FLNB: variants seen among roughly 807,000 people sequenced by gnomAD.
FLNB encodes the protein filamin-B.
FLNB carries 111 observed loss-of-function variants against 250.6 expected under a neutral mutation model. That is an observed-to-expected ratio of 0.44 (90% CI 0.38 to 0.52). The LOEUF is 0.52. Among genes scored for constraint, FLNB ranks in the 20% least tolerant of loss-of-function variants. The probability of loss-of-function intolerance (pLI) is 0.00; values close to 1 mark genes in which losing one functional copy is unlikely to be tolerated. For missense variants in FLNB, 2,869 were observed against 3,447.8 expected, an observed-to-expected ratio of 0.83 and a Z score of 4.20; for synonymous variants, 1,302 against 1,372.1, an observed-to-expected ratio of 0.95 and a Z score of 1.13.
At chr3:58,010,986 C>T (rs540472263) in intron 1 of FLNB, among the ~76,000 whole-genome samples, 2 of 152,324 alleles carry the variant, frequency 1.3e-5, no homozygotes, top group South Asian at 4.1e-4. Context: ...GCCATCTCTG[C>T]TCACTGCAAC....
At chr3:58,066,151 G>C (rs565683152) in intron 1 of FLNB, among the ~76,000 whole-genome samples, 10 of 151,944 alleles carry the variant, frequency 6.6e-5, no homozygotes, top group Non-Finnish European at 1.3e-4. Flanking sequence ...GAACGCAATT[G>C]CTTTGACCAT....
At chr3:58,022,801 G>A (rs2097115891) in intron 1 of FLNB, among the ~76,000 whole-genome samples, 1 of 151,906 alleles carries the variant, frequency 6.6e-6, no homozygotes, top group South Asian at 2.1e-4. Context: ...CATCAGCTCA[G>A]CAAGTCTTTG....
chr3:58,008,652 C>G lies in FLNB; in HGVS notation c.88C>G (p.Leu30Val), dbSNP rs776287368. Reference sequence around the variant, plus strand: ...GTTCACACGCTGGTGCAACGAGCACCTCAAGTGCGTGAACAAACGCATCGG... The same window carrying G: ...GTTCACACGCTGGTGCAACGAGCACGTCAAGTGCGTGAACAAACGCATCGG... ...NTFTRWCNEH[L>V]KCVNKRIGNL... The change falls in exon 1 of 46, where the codon CTC becomes GTC. Residue 30 changes from leucine to valine, a missense_variant. This residue lies in a region of FLNB where 308 missense variants were observed against 466.1 expected (regional missense o/e 0.66). Coordinates refer to ENST00000295956, the MANE Select transcript of FLNB (RefSeq NM_001457.4). 6.2e-7 allele frequency: 1 copy of G among 1,614,170 alleles called. No individual in the cohort carries two copies.
chr3:58,122,501 A>G (rs974927941), intron 20 of FLNB, among the ~76,000 whole-genome samples: 1 of 152,058 alleles, frequency 6.6e-6, no homozygotes, highest in Non-Finnish European at 1.5e-5. Flanking sequence ...CCCTCCAAAA[A>G]AAAAAAAAAA....
chr3:58,059,330 G>C (rs2097174763), intron 1 of FLNB, among the ~76,000 whole-genome samples: 1 of 152,204 alleles, frequency 6.6e-6, no homozygotes, highest in Non-Finnish European at 1.5e-5. Context: ...AAGAAAACAT[G>C]AGTGAAGGAA....
At chr3:58,128,714 T>C (rs950372614) in intron 24 of FLNB, among the ~76,000 whole-genome samples, 29 of 152,150 alleles carry the variant, frequency 1.9e-4, no homozygotes, top group African/African-American at 6.8e-4. Context: ...ACTTTTTGAC[T>C]ATGGGGAAAG....
intron 33 of FLNB, 164 bp from the exon 34 acceptor site, chr3:58,146,656 G>C: frequency 1.4e-6 from 1 of 707,732 alleles, no homozygotes; most frequent in Non-Finnish European, 2.5e-6. Flanking sequence ...TTACTGCGTG[G>C]ACTGCTTCAT....
chr3:58,019,249 A>G lies in FLNB; in HGVS notation c.292+10393A>G, dbSNP rs1368230181. On this transcript the variant is annotated intron_variant, in intron 1 of 45. Coordinates refer to ENST00000295956, the MANE Select transcript of FLNB (RefSeq NM_001457.4). ...AACGATGGATGGCCAACCACTAATC[A>G]ATGCTATTTCTGTACGCCAATGAGA... Among the ~76,000 whole-genome samples, 5 of 152,292 alleles carry G rather than the reference A, an allele frequency of 3.3e-5. No homozygotes were observed. In the East Asian group the frequency reaches 5.8e-4, roughly 18 times the overall value.
chr3:58,170,540 G>T (rs2097380719), intron 45 of FLNB, 35 bp from the exon 46 acceptor site: 1 of 1,604,810 alleles, frequency 6.2e-7, no homozygotes, highest in Admixed American at 1.7e-5. Context: ...CTGTCCTGAT[G>T]CATCCGGGTG....
chr3:58,154,282 C>T (rs1427196110), intron 39 of FLNB, among the ~76,000 whole-genome samples: 1 of 152,158 alleles, frequency 6.6e-6, no homozygotes, highest in East Asian at 1.9e-4. Flanking sequence ...GTGGCTCACA[C>T]CTGTAACTCT....
chr3:58,105,606 A>G (rs952208789), intron 11 of FLNB, among the ~76,000 whole-genome samples: 1 of 152,224 alleles, frequency 6.6e-6, no homozygotes, highest in South Asian at 2.1e-4. Flanking sequence ...ATACATGTCT[A>G]ATGTATATAT....
At chr3:58,123,062 T>C in intron 20 of FLNB, 31 bp from the exon 21 acceptor site, 1 of 1,583,822 alleles carries the variant, frequency 6.3e-7, no homozygotes, top group Non-Finnish European at 8.7e-7. Flanking sequence ...GCGATCCCAG[T>C]GCAGTTTGAC....
intron 1 of FLNB, among the ~76,000 whole-genome samples, chr3:58,012,355 G>A (rs989354952): frequency 2.0e-5 from 3 of 152,082 alleles, no homozygotes; most frequent in African/African-American, 7.2e-5. Context: ...TTTATTTAAA[G>A]ATGGGAAACA....
Position 58,145,252 on chromosome 3 carries a change from T to G in FLNB, c.5426-669T>G, listed in dbSNP as rs188174199. 7.9e-5 allele frequency among the ~76,000 whole-genome samples: 12 copies of G among 152,376 alleles called. 1 individual carries two copies. Among genetic ancestry groups the G allele is most frequent in the Admixed American group, 5.9e-4 (9 of 15,306 alleles). On this transcript the variant is annotated intron_variant, in intron 32 of 45. Coordinates refer to ENST00000295956, the MANE Select transcript of FLNB (RefSeq NM_001457.4). ...CATATAATTTTATTCTATTTTGTTT[T>G]TAAAGGAATAGCATAATGGTATTCA... is the stretch of plus-strand genomic sequence containing the variant.
intron 4 of FLNB, among the ~76,000 whole-genome samples, chr3:58,091,194 T>C (rs1450813126): frequency 2.0e-5 from 3 of 152,194 alleles, no homozygotes; most frequent in African/African-American, 7.2e-5. Flanking sequence ...AGCAAGATTA[T>C]TATTTTAAAA....
chr3:58,035,314 G>A (rs961228545), intron 1 of FLNB, among the ~76,000 whole-genome samples: 1 of 152,180 alleles, frequency 6.6e-6, no homozygotes, highest in East Asian at 1.9e-4. Flanking sequence ...AGCTGTCTAT[G>A]TAATTAAAAG....
chr3:58,117,942 G>C (rs1360101359), intron 18 of FLNB, among the ~76,000 whole-genome samples: 2 of 152,156 alleles, frequency 1.3e-5, no homozygotes, highest in African/African-American at 2.4e-5. Flanking sequence ...TGGATTCTTG[G>C]GGGGAACTCG....
intron 10 of FLNB, 113 bp downstream of exon 10, chr3:58,104,198 CTTT>C (rs34703970): frequency 0.01 from 6,748 of 657,710 alleles, no homozygotes; most frequent in Middle Eastern, 0.016. Flanking sequence ...TTGTTGAAAA[CTTT>C]TTTTTTTTTT....
chr3:58,012,270 A>T (rs1480219850), intron 1 of FLNB, among the ~76,000 whole-genome samples: 1 of 151,366 alleles, frequency 6.6e-6, no homozygotes, highest in East Asian at 1.9e-4. Context: ...GGGACGTTCA[A>T]AATTAGGGGA....
Sources: gnomAD v4.1 joint callset for allele counts (sites outside exome capture counted in the v4.1 genomes callset) on GRCh38, gnomAD v4.1.1 for gene constraint, gnomAD v4.1.1 regional missense constraint, MANE v1.5 for transcripts, NCBI Gene and HGNC (gene_info 2026-07-23, HGNC 2026-07-21) for gene names.